PARP8: variants seen among roughly 807,000 people sequenced by gnomAD.
PARP8 encodes poly(ADP-ribose) polymerase family member 8, also known as protein mono-ADP-ribosyltransferase PARP8.
PARP8 carries 51 observed loss-of-function variants against 124.1 expected under a neutral mutation model. The ratio of observed to expected loss-of-function variants is 0.41; its 90% CI spans 0.33 to 0.52. The LOEUF (loss-of-function observed/expected upper bound fraction) is 0.52, where lower values mean the gene tolerates loss of function less well. Ranked by LOEUF, PARP8 falls within the 20% of genes least tolerant of loss-of-function variation. The pLI, the probability that PARP8 is intolerant of heterozygous loss-of-function variation, is 0.21. For missense variants in PARP8, 860 were observed against 1,018.9 expected (o/e 0.84, Z 2.12); for synonymous variants, 391 against 361.5 (o/e 1.08, Z -0.93).
At chr5:50,792,681 T>C (rs1742097551) in intron 10 of PARP8, among the ~76,000 whole-genome samples, 1 of 151,440 alleles carries the variant, frequency 6.6e-6, no homozygotes, top group South Asian at 2.1e-4. Flanking sequence ...AAATTTTGGG[T>C]AAAAAAAAAT....
intron 7 of PARP8, among the ~76,000 whole-genome samples, chr5:50,765,723 A>T (rs1292540477): frequency 1.3e-5 from 2 of 152,196 alleles, no homozygotes; most frequent in Non-Finnish European, 2.9e-5. Context: ...TACAAAGGTG[A>T]ATCACAGCAG....
At chr5:50,705,044 T>C (rs1174862121) in intron 2 of PARP8, among the ~76,000 whole-genome samples, 2 of 152,194 alleles carry the variant, frequency 1.3e-5, no homozygotes, top group African/African-American at 2.4e-5. Flanking sequence ...AATTTCAAAC[T>C]GGACAAAGCA....
chr5:50,786,634 T>A (rs927135553), intron 9 of PARP8, among the ~76,000 whole-genome samples: 4 of 151,858 alleles, frequency 2.6e-5, no homozygotes, highest in African/African-American at 9.7e-5. Flanking sequence ...TCCCAAAGTA[T>A]TGGGGTTACA....
chr5:50,826,044 G>A (rs1746314658), intron 18 of PARP8, among the ~76,000 whole-genome samples: 1 of 150,784 alleles, frequency 6.6e-6, no homozygotes, highest in Non-Finnish European at 1.5e-5. Flanking sequence ...TTTTCTCATT[G>A]TTATATTCAG....
chr5:50,709,877 T>TGTGTG (rs1754551025), intron 2 of PARP8, among the ~76,000 whole-genome samples: 1 of 77,824 alleles, frequency 1.3e-5, no homozygotes, highest in African/African-American at 4.4e-5. Context: ...GTGTGTGTGT[T>TGTGTG]TGTGTTGGGG....
At chr5:50,683,017 G>A (rs748621794) in intron 2 of PARP8, among the ~76,000 whole-genome samples, 16 of 152,190 alleles carry the variant, frequency 1.1e-4, no homozygotes, top group African/African-American at 3.9e-4. Flanking sequence ...TGGATTAGGA[G>A]GAGGAAGGGC....
intron 14 of PARP8, among the ~76,000 whole-genome samples, chr5:50,802,795 A>G (rs1362791385): frequency 6.6e-6 from 1 of 152,214 alleles, no homozygotes; most frequent in Non-Finnish European, 1.5e-5. Context: ...AAAATCAGGA[A>G]AAAAAATCAA....
intron 2 of PARP8, among the ~76,000 whole-genome samples, chr5:50,713,940 C>T (rs1755036092): frequency 6.6e-6 from 1 of 152,034 alleles, no homozygotes; most frequent in South Asian, 2.1e-4. Flanking sequence ...TCCTGGAGCT[C>T]CTGGCAGGAA....
chr5:50,818,250 G>C (rs1409509616), intron 15 of PARP8, among the ~76,000 whole-genome samples: 2 of 112,118 alleles, frequency 1.8e-5, no homozygotes, highest in Admixed American at 2.4e-4. Flanking sequence ...CTTCCCCCTC[G>C]AGAGAGCCTC....
intron 2 of PARP8, among the ~76,000 whole-genome samples, chr5:50,677,655 C>T (rs951892140): frequency 3.3e-5 from 5 of 152,070 alleles, no homozygotes; most frequent in African/African-American, 1.2e-4. Context: ...TTCATATGAA[C>T]TTCCTTTGTT....
Position 50,828,302 on chromosome 5 carries a change from G to T in PARP8, c.2091-10G>T, listed in dbSNP as rs1746571059. The T allele has an allele frequency of 6.2e-6, 10 of 1,611,982 alleles. No homozygotes were observed. The highest frequency in any genetic ancestry group is 6.8e-6 in the Non-Finnish European group (8 of 1,178,920). ...TGGTTTTGCTTTTTCCTTTCCGTCT[G>T]TTTTTTTAGTGGCTCACACATTGAA... is the stretch of plus-strand genomic sequence containing the variant. On this transcript the variant is annotated splice_polypyrimidine_tract_variant and intron_variant, in intron 20 of 25. Transcript: ENST00000281631.
chr5:50,728,238 A>G (rs1756625818), intron 2 of PARP8, among the ~76,000 whole-genome samples: 1 of 152,164 alleles, frequency 6.6e-6, no homozygotes, highest in South Asian at 2.1e-4. Flanking sequence ...TTAATTGACA[A>G]CATCCAGTGC....
intron 18 of PARP8, among the ~76,000 whole-genome samples, chr5:50,825,240 T>C (rs1746214318): frequency 6.6e-6 from 1 of 152,174 alleles, no homozygotes; most frequent in South Asian, 2.1e-4. Flanking sequence ...GCAGTTTGCC[T>C]ATAGTTTTAA....
At chr5:50,667,970 C>T in intron 1 of PARP8, 101 bp from the exon 2 acceptor site, 1 of 1,600,848 alleles carries the variant, frequency 6.2e-7, no homozygotes, top group Non-Finnish European at 8.5e-7. Context: ...TTCTGCCCGG[C>T]CAGGCCTCCC....
chr5:50,689,685 A>G (rs1017125722), intron 2 of PARP8, among the ~76,000 whole-genome samples: 8 of 152,212 alleles, frequency 5.3e-5, no homozygotes, highest in East Asian at 1.9e-4. Flanking sequence ...GTATTTTTCT[A>G]TGACCCAGAA....
At chr5:50,728,426 C>T (rs191592249) in intron 2 of PARP8, among the ~76,000 whole-genome samples, 1 of 152,192 alleles carries the variant, frequency 6.6e-6, no homozygotes, top group Admixed American at 6.5e-5. Flanking sequence ...TTAAAATTGA[C>T]ATCATTTTCA....
chr5:50,781,467 A>G (rs1291906256), intron 9 of PARP8, among the ~76,000 whole-genome samples: 3 of 152,208 alleles, frequency 2.0e-5, no homozygotes, highest in East Asian at 3.9e-4. Flanking sequence ...CCCATTAAGA[A>G]GAGGAAAGAA....
chr5:50,767,902 A>G (rs998948705), intron 7 of PARP8, among the ~76,000 whole-genome samples: 1 of 152,190 alleles, frequency 6.6e-6, no homozygotes, highest in Non-Finnish European at 1.5e-5. Flanking sequence ...TCTTCTCAAA[A>G]TATAACCATC....
At chr5:50,806,622 T>C (rs1184656890) in intron 14 of PARP8, among the ~76,000 whole-genome samples, 6 of 152,024 alleles carry the variant, frequency 3.9e-5, no homozygotes, top group Non-Finnish European at 8.8e-5. Context: ...CAGAAAACGT[T>C]CTTAAATAGT....
Sources: gnomAD v4.1 joint callset for allele counts (sites outside exome capture counted in the v4.1 genomes callset) on GRCh38, gnomAD v4.1.1 for gene constraint, MANE v1.5 for transcripts, NCBI Gene and HGNC (gene_info 2026-07-23, HGNC 2026-07-21) for gene names.